The following NHSL2 variants were observed in gnomAD, a reference collection of about 807,000 sequenced individuals.
NHSL2 encodes the protein NHS-like protein 2.
A neutral mutation model predicts 53.4 loss-of-function variants in NHSL2; 27 were observed. That is an observed-to-expected ratio of 0.51 (90% confidence interval 0.37 to 0.70). The LOEUF is 0.70. NHSL2 is among the 30% of genes least tolerant of loss of function. NHSL2 has a pLI of 0.00. For synonymous variants in NHSL2, 408 were observed against 404.1 expected (o/e 1.01, Z -0.12); for missense variants, 892 against 980.1 (o/e 0.91, Z 1.20).
intron 1 of NHSL2, among the ~76,000 whole-genome samples, chrX:72,115,391 C>G (rs2042127860): frequency 1.1e-5 from 1 of 89,736 alleles, no homozygotes; most frequent in Admixed American, 1.4e-4. Flanking sequence ...AGCTGCCTCC[C>G]ACCAAGAACA....
chrX:72,081,663 A>C (rs889360526), intron 1 of NHSL2, among the ~76,000 whole-genome samples: 3 of 112,090 alleles, frequency 2.7e-5, no homozygotes, highest in Non-Finnish European at 5.6e-5. Context: ...CAGCTGCTCA[A>C]AATCCTGTGA....
At chrX:71,915,812 C>T (rs970473155) in intron 1 of NHSL2, among the ~76,000 whole-genome samples, 8 of 111,423 alleles carry the variant, frequency 7.2e-5, no homozygotes, top group African/African-American at 2.3e-4. Flanking sequence ...AGTTGTTCTT[C>T]GAGAGTCATT....
intron 6 of NHSL2, 124 bp from the exon 7 acceptor site, chrX:72,142,108 T>C: frequency 2.1e-6 from 1 of 477,616 alleles, no homozygotes; most frequent in South Asian, 4.9e-5. Flanking sequence ...AATGGAGGTA[T>C]TAAAAATCTC....
chrX:72,091,504 T>C (rs1372764223), intron 1 of NHSL2, among the ~76,000 whole-genome samples: 1 of 111,747 alleles, frequency 8.9e-6, no homozygotes. Context: ...ACCAAAGAAG[T>C]TGTTTCAGTT....
intron 1 of NHSL2, among the ~76,000 whole-genome samples, chrX:72,094,994 G>A (rs2041931929): frequency 8.9e-6 from 1 of 112,171 alleles, no homozygotes; most frequent in African/African-American, 3.2e-5. Context: ...AGTGTTGCCT[G>A]ATTAGCAGAC....
intron 1 of NHSL2, among the ~76,000 whole-genome samples, chrX:72,101,513 A>G (rs1423799905): frequency 9.1e-6 from 1 of 110,431 alleles, no homozygotes; most frequent in African/African-American, 3.3e-5. Context: ...CTGTCCCCAA[A>G]CAAAGGTGGC....
chrX:71,992,125 G>A (rs748644733), intron 1 of NHSL2, among the ~76,000 whole-genome samples: 4 of 112,668 alleles, frequency 3.6e-5, no homozygotes, highest in African/African-American at 6.5e-5. Context: ...GAAAGGTACT[G>A]GGAGGTGGGC....
intron 1 of NHSL2, among the ~76,000 whole-genome samples, chrX:71,923,376 G>A (rs1053133373): frequency 8.9e-6 from 1 of 111,839 alleles, no homozygotes; most frequent in Non-Finnish European, 1.9e-5. Context: ...CACCCTTTCT[G>A]GGCATAGTAA....
intron 1 of NHSL2, among the ~76,000 whole-genome samples, chrX:71,981,395 A>T (rs773059562): frequency 9.1e-6 from 1 of 110,361 alleles, no homozygotes; most frequent in South Asian, 3.9e-4. Flanking sequence ...AAAATACGAA[A>T]ATTAGCTGAG....
chrX:71,950,739 C>T (rs1319867264), intron 1 of NHSL2, among the ~76,000 whole-genome samples: 4 of 111,650 alleles, frequency 3.6e-5, no homozygotes, highest in South Asian at 7.6e-4. Flanking sequence ...TGTGGCTGGA[C>T]TTAGACAGCT....
intron 1 of NHSL2, among the ~76,000 whole-genome samples, chrX:72,096,798 C>T (rs991324256): frequency 9.0e-6 from 1 of 111,401 alleles, no homozygotes; most frequent in African/African-American, 3.3e-5. Flanking sequence ...TTAATTCTTT[C>T]TTCTTTTAGA....
intron 1 of NHSL2, among the ~76,000 whole-genome samples, chrX:72,042,418 A>G (rs2042279853): frequency 8.9e-6 from 1 of 111,794 alleles, no homozygotes; most frequent in African/African-American, 3.3e-5. Flanking sequence ...GGGGTCTAGG[A>G]TGAACCAGTC....
intron 1 of NHSL2, among the ~76,000 whole-genome samples, chrX:72,015,692 G>A (rs1322901208): frequency 8.9e-6 from 1 of 112,218 alleles, no homozygotes; most frequent in African/African-American, 3.2e-5. Context: ...TGTAATGAGT[G>A]AAAGATGATA....
At chrX:71,931,815 G>A (rs2041714612) in intron 1 of NHSL2, among the ~76,000 whole-genome samples, 1 of 112,721 alleles carries the variant, frequency 8.9e-6, no homozygotes, top group East Asian at 2.8e-4. Flanking sequence ...TTGAAATTGG[G>A]ACGTGTTAGT....
intron 1 of NHSL2, among the ~76,000 whole-genome samples, chrX:72,096,742 ATCC>A (rs751188421): frequency 6.3e-5 from 7 of 111,305 alleles, no homozygotes; most frequent in Non-Finnish European, 1.3e-4. Context: ...AACATTCAGT[ATCC>A]TCCTTCTAGC....
chrX:71,920,177 A>C (rs905355690), intron 1 of NHSL2, among the ~76,000 whole-genome samples: 1 of 112,148 alleles, frequency 8.9e-6, no homozygotes, highest in African/African-American at 3.2e-5. Context: ...AGCAGTGTCT[A>C]CAAGATGCCC....
chrX:71,949,390 G>A (rs1267172349), intron 1 of NHSL2, among the ~76,000 whole-genome samples: 4 of 110,998 alleles, frequency 3.6e-5, no homozygotes, highest in Non-Finnish European at 7.6e-5. Context: ...GCAACAAAGG[G>A]TGGGAAAGAC....
At chrX:71,936,066 G>A (rs1399650970) in intron 1 of NHSL2, among the ~76,000 whole-genome samples, 1 of 112,364 alleles carries the variant, frequency 8.9e-6, no homozygotes, top group Non-Finnish European at 1.9e-5. Flanking sequence ...GCTTCTGTGA[G>A]ATAGGCATCA....
At chrX:71,957,460 G>A (rs2041847766) in intron 1 of NHSL2, among the ~76,000 whole-genome samples, 1 of 112,098 alleles carries the variant, frequency 8.9e-6, no homozygotes, top group Non-Finnish European at 1.9e-5. Context: ...TAGAGATGGG[G>A]TTTCACCGTG....
Sources: gnomAD v4.1 joint callset for allele counts (sites outside exome capture counted in the v4.1 genomes callset) on GRCh38, gnomAD v4.1.1 for gene constraint, MANE v1.5 for transcripts, NCBI Gene and HGNC (gene_info 2026-07-23, HGNC 2026-07-21) for gene names.